The following PLEC variants were observed in gnomAD, a reference collection of about 807,000 sequenced individuals.
PLEC encodes the protein hemidesmosomal protein 1.
In PLEC, 216 loss-of-function variants were observed where a neutral mutation model predicts 392.8. The observed-to-expected ratio is 0.55, with a 90% CI of 0.49 to 0.62. PLEC has a LOEUF of 0.62. Ranked by LOEUF, PLEC falls within the 20% of genes least tolerant of loss-of-function variation. The pLI, the probability that PLEC is intolerant of heterozygous loss-of-function variation, is 0.00. For synonymous variants in PLEC, 3,621 were observed against 2,980.6 expected, an observed-to-expected ratio of 1.21 and a Z score of -7.00; for missense variants, 6,863 against 6,563.4, an observed-to-expected ratio of 1.05 and a Z score of -1.58.
intron 1 of PLEC, among the ~76,000 whole-genome samples, chr8:143,967,546 G>A (rs1175151876): frequency 6.6e-6 from 1 of 152,110 alleles, no homozygotes; most frequent in Non-Finnish European, 1.5e-5. Flanking sequence ...CCGAATACAA[G>A]TGTCCCTCGG....
At chr8:143,952,208 ACGCGCG>A (rs113868176), upstream of PLEC, among the ~76,000 whole-genome samples, 12,212 of 130,752 alleles carry the variant, frequency 0.093, 562 homozygotes, top group Non-Finnish European at 0.11. Context: ...ACACACACAC[ACGCGCG>A]CACACACGCA....
Position 143,927,849 on chromosome 8 carries a change from G to T in PLEC, c.3399+5C>A. 6.3e-7 allele frequency: 1 copy of T among 1,590,620 alleles called. No individual in the cohort carries two copies. On this transcript the variant is annotated splice_donor_5th_base_variant and intron_variant, in intron 26 of 31. Transcript: ENST00000345136. ...CGCCATGAAGCCCAAGCCTCGAAAC[G>T]ATACCTTCAGAGAGGCCTTGGTGGC...
At chr8:143,948,253 A>T (rs1831726170) in intron 1 of PLEC, among the ~76,000 whole-genome samples, 1 of 152,220 alleles carries the variant, frequency 6.6e-6, no homozygotes, top group African/African-American at 2.4e-5. Flanking sequence ...CAACAGGGCC[A>T]TCCTGGACCA....
At chr8:143,935,534 G>A (rs1187236858) in intron 6 of PLEC, among the ~76,000 whole-genome samples, 2 of 152,198 alleles carry the variant, frequency 1.3e-5, no homozygotes. Context: ...CAGAGCTGAG[G>A]GTGCCAGGCA....
upstream of PLEC, chr8:143,942,623 C>CCA: frequency 1.6e-6 from 2 of 1,257,068 alleles, no homozygotes; most frequent in Non-Finnish European, 2.1e-6. Context: ...GCTTCGCTCT[C>CCA]CACCTCTTCC....
In PLEC at chr8:143,938,182, G is replaced by A. The variant is rs893680154; in HGVS notation, c.233C>T (p.Ser78Phe). The part of the protein sequence containing the change: ...EDLRDGHNLI[S>F]LLEVLSGDSL... The stretch of plus-strand genomic sequence containing the variant: ...GTCCCCCGAGAGGACCTCCAGCAGG[G>A]AGATGAGGTTGTGGCCATCGCGGAG... Residue 78 changes from serine (S) to phenylalanine (F), a missense_variant, in exon 3 of 32, where the codon TCC (serine) becomes TTC (phenylalanine). Physicochemically the swap from Ser to Phe is radical, Grantham distance 155. Coordinates refer to ENST00000345136, the MANE Select transcript of PLEC (RefSeq NM_201384.3). The A allele has an allele frequency of 6.2e-7, 1 of 1,608,962 alleles. No individual in the cohort carries two copies. The highest frequency in any genetic ancestry group is 1.7e-5 in the Admixed American group (1 of 59,892).
chr8:143,925,290 C>T lies in PLEC; in HGVS notation c.4639G>A (p.Glu1547Lys), dbSNP rs781960032. Residue 1547 changes from glutamate (E) to lysine (K), a missense_variant, in exon 31 of 32, where the codon GAG becomes AAG. Glu to Lys is a moderately conservative substitution (Grantham distance 56). Transcript: ENST00000345136. ...ALEELRLQAE[E>K]AERRLRQAEV... ...GCCTGCCGCAGGCGCCGCTCCGCCT[C>T]CTCCGCCTGCAGCCGCAGCTCCTCC... 26 of 1,576,874 alleles carry T rather than the reference C, an allele frequency of 1.6e-5. No individual in the cohort carries two copies. Among genetic ancestry groups the T allele is most frequent in the Non-Finnish European group, 2.2e-5 (26 of 1,170,292 alleles).
Position 143,933,078 on chromosome 8 carries a change from G to A in PLEC, c.1452C>T (p.Ile484=), listed in dbSNP as rs781975121. ...VYRLHERLVA[I]RTEYNLRLKA... is the part of the protein sequence containing the mutation. The stretch of plus-strand genomic sequence containing the variant: ...TCAGCCGTAGGTTGTACTCGGTGCG[G>A]ATGGCTACCAGGCGCTCGTGCAGAC... The change falls in exon 14 of 32, where the codon ATC becomes ATT. Residue 484 remains isoleucine, a synonymous_variant. Transcript: ENST00000345136. 32 of 1,590,728 alleles carry A rather than the reference G, an allele frequency of 2.0e-5. No individual in the cohort carries two copies. Among genetic ancestry groups the A allele is most frequent in the Non-Finnish European group, 2.6e-5 (30 of 1,170,672 alleles).
Position 143,923,756 on chromosome 8 carries a change from A to T in PLEC, c.6173T>A (p.Val2058Glu). ...CTGTAGCTCCTGCTCCTTCTGCTGC[A>T]CCGCGAAGGCGTGTGCCTTCTCTTC... Reference protein sequence around the residue: ...QAEEKAHAFAVQQKEQELQQT... With the variant: ...QAEEKAHAFAEQQKEQELQQT... The change falls in exon 31 of 32, where the codon GTG becomes GAG. Residue 2058 changes from valine (V) to glutamate (E), a missense_variant. Physicochemically the swap from Val to Glu is moderately radical, Grantham distance 121. Coordinates refer to ENST00000345136, the MANE Select transcript of PLEC (RefSeq NM_201384.3). The T allele has an allele frequency of 6.4e-7, 1 of 1,555,232 alleles. No individual in the cohort carries two copies. The highest frequency in any genetic ancestry group is 8.6e-7 in the Non-Finnish European group (1 of 1,157,712).
At chr8:143,926,136 C>A (rs1341714829) in intron 30 of PLEC, among the ~76,000 whole-genome samples, 4 of 152,216 alleles carry the variant, frequency 2.6e-5, no homozygotes, top group Admixed American at 2.6e-4. Flanking sequence ...CGCAGACAGG[C>A]GACGGAGACA....
At chr8:143,926,186 C>T (rs141994583) in intron 30 of PLEC, among the ~76,000 whole-genome samples, 9 of 152,336 alleles carry the variant, frequency 5.9e-5, no homozygotes, top group African/African-American at 2.2e-4. Context: ...GAGCTCGGAA[C>T]CTGCGAGCCA....
At chr8:143,939,204 T>G in intron 1 of PLEC, 146 bp downstream of exon 1, 4 of 1,131,846 alleles carry the variant, frequency 3.5e-6, no homozygotes, top group Non-Finnish European at 5.1e-6. Flanking sequence ...GCCCACTCCG[T>G]GTTGGGTGGG....
At chr8:143,948,332 G>A (rs868948902) in intron 1 of PLEC, among the ~76,000 whole-genome samples, 5 of 152,370 alleles carry the variant, frequency 3.3e-5, no homozygotes, top group Admixed American at 1.3e-4. Context: ...CAGTGGGGAA[G>A]GGCAGGGCAG....
upstream of PLEC, chr8:143,973,565 C>T (rs1564240017): frequency 2.0e-6 from 2 of 1,014,154 alleles, no homozygotes; most frequent in Non-Finnish European, 2.4e-6. This position sits in a 1 kb window ranked among gnomAD's most constrained non-coding sequence, Gnocchi z 5.6. Flanking sequence ...AAAGAGGCCG[C>T]CCCCGCCCCG....
In PLEC at chr8:143,934,957, G is replaced by A. The variant is rs199900736; in HGVS notation, c.826-28C>T. On this transcript the variant is annotated intron_variant, in intron 8 of 31. Coordinates refer to ENST00000345136, the MANE Select transcript of PLEC (RefSeq NM_201384.3). Reference sequence around the variant, plus strand: ...GCGGGCAGGCACGGGCGGCTGTCAGGGGTCGTCGGGGCGTCCAGGCCCAAG... The same window carrying A: ...GCGGGCAGGCACGGGCGGCTGTCAGAGGTCGTCGGGGCGTCCAGGCCCAAG... 1.3e-3 allele frequency: 2,157 copies of A among 1,610,406 alleles called. 4 individuals are homozygous for A. The highest frequency in any genetic ancestry group is 2.3e-3 in the Middle Eastern group (14 of 6,054).
At position 143,924,127 on chromosome 8, in the gene PLEC, G is replaced by A. The variant is rs782534433; in HGVS notation, c.5802C>T (p.Phe1934=). ...EEEILALKAS[F]EKAAAGKAEL... is the part of the protein sequence containing the mutation. ...CCGCCTTGCCAGCGGCCGCCTTCTC[G>A]AAGCTCGCCTTCAGCGCCAGGATCT... Residue 1934 remains phenylalanine, a synonymous_variant, in exon 31 of 32, where the codon TTC becomes TTT. Transcript: ENST00000345136. The A allele has an allele frequency of 2.9e-5, 46 of 1,598,548 alleles. No homozygotes were observed. The highest frequency in any genetic ancestry group is 1.6e-4 in the Middle Eastern group (1 of 6,082).
chr8:143,964,947 C>T (rs1268412425), intron 1 of PLEC, among the ~76,000 whole-genome samples: 2 of 152,116 alleles, frequency 1.3e-5, no homozygotes, highest in African/African-American at 2.4e-5. Context: ...TCTGCTCCTG[C>T]AGACCCACAC....
Position 143,918,184 on chromosome 8 carries a change from G to A in PLEC, c.11637C>T (p.Asp3879=), listed in dbSNP as rs781888669. ...GTGQLLLPLS[D]ARKLTFRGLR... is the part of the protein sequence containing the mutation. ...GGCCACGGAAGGTCAGCTTGCGGGC[G>A]TCCGACAGTGGCAGGAGCAGCTGGC... Residue 3879 remains aspartate (D), a synonymous_variant, in exon 32 of 32, where the codon GAC becomes GAT. Coordinates refer to ENST00000345136, the MANE Select transcript of PLEC (RefSeq NM_201384.3). 86 of 1,592,898 alleles carry A rather than the reference G, an allele frequency of 5.4e-5. No homozygotes were observed. The highest frequency in any genetic ancestry group is 1.5e-4 in the African/African-American group (11 of 74,848).
chr8:143,927,829 T>C (rs782635648), intron 26 of PLEC, 25 bp downstream of exon 26: 5 of 1,591,984 alleles, frequency 3.1e-6, no homozygotes, highest in Non-Finnish European at 8.5e-7. Context: ...CACCCCGCCA[T>C]GAAGCCCAAG....
Sources: allele counts gnomAD v4.1 joint callset (sites outside exome capture counted in the v4.1 genomes callset), GRCh38; gene constraint gnomAD v4.1.1; non-coding constraint Gnocchi (gnomAD v3.1); transcripts MANE v1.5; gene names NCBI Gene and HGNC (gene_info 2026-07-23, HGNC 2026-07-21).